The following SHISA9 variants were observed in gnomAD, a reference collection of about 807,000 sequenced individuals.
SHISA9 encodes protein shisa-9.
In SHISA9, 13 loss-of-function variants were observed where a neutral mutation model predicts 38.0. That is an observed-to-expected ratio of 0.34 (90% CI 0.22 to 0.54). The LOEUF (loss-of-function observed/expected upper bound fraction) is 0.54. SHISA9 is among the 20% of genes least tolerant of loss of function. SHISA9 has a pLI of 0.91. For missense variants in SHISA9, 538 were observed against 575.8 expected (o/e 0.93, Z 0.67); for synonymous variants, 275 against 242.0 (o/e 1.14, Z -1.27).
chr16:13,510,262 T>C, the SHISA9 span, among the ~76,000 whole-genome samples: 6 of 152,190 alleles, frequency 3.9e-5, no homozygotes, highest in Non-Finnish European at 1.5e-5. Context: ...GAGCCGAGAT[T>C]GTGCCACTAT....
At chr16:13,449,802 T>C in the SHISA9 span, among the ~76,000 whole-genome samples, 6 of 152,160 alleles carry the variant, frequency 3.9e-5, no homozygotes, top group Admixed American at 3.9e-4. Context: ...GAGAACCTCA[T>C]TGTCTCTTTT....
At position 13,019,124 on chromosome 16, in the gene SHISA9, C is replaced by T. The variant is rs190846857; in HGVS notation, c.691+102309C>T. ...AATAGATTCTCCTGCCTTACCCTCC[C>T]GAGTAGCTGGAATTATGGGCACTCA... On this transcript the variant is annotated intron_variant, in intron 2 of 4. Coordinates refer to ENST00000558583, the MANE Select transcript of SHISA9 (RefSeq NM_001145204.3). Among the ~76,000 whole-genome samples, 736 of 152,250 alleles carry T rather than the reference C, an allele frequency of 4.8e-3. 7 individuals carry two copies. The highest frequency in any genetic ancestry group is 0.017 in the Middle Eastern group (5 of 294).
intron 2 of SHISA9, among the ~76,000 whole-genome samples, chr16:13,006,890 C>T (rs953583331): frequency 9.8e-5 from 15 of 152,300 alleles, no homozygotes; most frequent in African/African-American, 3.6e-4. Flanking sequence ...TCTTCAACCT[C>T]TCTGACCATT....
At chr16:13,194,561 C>T (rs906662937) in intron 2 of SHISA9, among the ~76,000 whole-genome samples, 2 of 152,116 alleles carry the variant, frequency 1.3e-5, no homozygotes, top group Non-Finnish European at 2.9e-5. Context: ...CCTCATAACC[C>T]CTTTATGTTT....
the SHISA9 span, among the ~76,000 whole-genome samples, chr16:13,347,717 G>C: frequency 6.6e-6 from 1 of 152,162 alleles, no homozygotes; most frequent in Admixed American, 6.5e-5. Context: ...TGAGTGTTGT[G>C]TCTGGCCTGT....
intron 4 of SHISA9, among the ~76,000 whole-genome samples, chr16:13,232,908 C>G (rs867110662): frequency 2.9e-4 from 44 of 152,268 alleles, no homozygotes; most frequent in African/African-American, 9.9e-4. Context: ...AGGTGCTAGA[C>G]TCTCAGTTAA....
chr16:13,326,434 G>T, the SHISA9 span, among the ~76,000 whole-genome samples: 2 of 152,296 alleles, frequency 1.3e-5, no homozygotes, highest in African/African-American at 4.8e-5. Context: ...AAGAGTCAAA[G>T]TCCCCACCGG....
At chr16:13,463,349 G>T in the SHISA9 span, among the ~76,000 whole-genome samples, 1 of 152,232 alleles carries the variant, frequency 6.6e-6, no homozygotes, top group African/African-American at 2.4e-5. Context: ...AGGAGAGGCA[G>T]CGTGCAGGTG....
At chr16:13,511,768 C>T in the SHISA9 span, among the ~76,000 whole-genome samples, 1 of 151,166 alleles carries the variant, frequency 6.6e-6, no homozygotes, top group Admixed American at 6.6e-5. Flanking sequence ...GGGAAGAGTA[C>T]AAAAAAGGAG....
At chr16:13,489,728 A>C in the SHISA9 span, among the ~76,000 whole-genome samples, 1 of 152,202 alleles carries the variant, frequency 6.6e-6, no homozygotes, top group Admixed American at 6.5e-5. Flanking sequence ...ACCCAGTCTC[A>C]GGTATGTCTT....
the SHISA9 span, among the ~76,000 whole-genome samples, chr16:13,334,773 C>CAAAAAAAAAAAAA: frequency 2.0e-5 from 2 of 97,676 alleles, no homozygotes; most frequent in African/African-American, 3.9e-5. Flanking sequence ...GACTCCATCT[C>CAAAAAAAAAAAAA]AAAAAAAAAA....
the SHISA9 span, among the ~76,000 whole-genome samples, chr16:13,302,906 C>T: frequency 1.3e-5 from 2 of 152,124 alleles, no homozygotes; most frequent in African/African-American, 4.8e-5. Context: ...ATGGGCTCTT[C>T]CCCCTTTACA....
At chr16:13,171,876 G>A (rs2050689695) in intron 2 of SHISA9, among the ~76,000 whole-genome samples, 1 of 152,158 alleles carries the variant, frequency 6.6e-6, no homozygotes, top group Non-Finnish European at 1.5e-5. Flanking sequence ...TGAGTGAATA[G>A]CTTTCTCTCT....
the SHISA9 span, among the ~76,000 whole-genome samples, chr16:13,406,601 G>A: frequency 6.6e-6 from 1 of 152,294 alleles, no homozygotes; most frequent in Admixed American, 6.5e-5. Context: ...TACAACTTAT[G>A]AGTATGCACC....
At chr16:13,428,181 A>G in the SHISA9 span, among the ~76,000 whole-genome samples, 1 of 123,454 alleles carries the variant, frequency 8.1e-6, no homozygotes, top group Non-Finnish European at 1.7e-5. Context: ...GGACTGCCAT[A>G]TGGGATTGTT....
chr16:12,926,715 C>G (rs1217188081), intron 2 of SHISA9, among the ~76,000 whole-genome samples: 1 of 152,116 alleles, frequency 6.6e-6, no homozygotes, highest in Admixed American at 6.6e-5. Flanking sequence ...GGAAGAGATA[C>G]TAGGATGGCC....
At chr16:13,068,797 A>T (rs747570206) in intron 2 of SHISA9, among the ~76,000 whole-genome samples, 1 of 152,192 alleles carries the variant, frequency 6.6e-6, no homozygotes, top group Non-Finnish European at 1.5e-5. Flanking sequence ...GTGTATGCAT[A>T]TATGTGTGTA....
chr16:13,167,724 C>A (rs1567233362), intron 2 of SHISA9, among the ~76,000 whole-genome samples: 1 of 152,134 alleles, frequency 6.6e-6, no homozygotes. Flanking sequence ...GCCTGCTTTC[C>A]CTTCGCCTTC....
At chr16:13,305,685 T>A in the SHISA9 span, among the ~76,000 whole-genome samples, 1 of 152,272 alleles carries the variant, frequency 6.6e-6, no homozygotes, top group East Asian at 1.9e-4. Flanking sequence ...CATTTGAATC[T>A]TGAGATGAAG....
Sources: allele counts gnomAD v4.1 joint callset (sites outside exome capture counted in the v4.1 genomes callset), GRCh38; gene constraint gnomAD v4.1.1; transcripts MANE v1.5; gene names NCBI Gene and HGNC (gene_info 2026-07-23, HGNC 2026-07-21).